Variants in NUP98 observed in about 807,000 individuals in gnomAD.
The protein encoded by NUP98 is nuclear pore complex protein Nup98-Nup96.
Under a neutral mutation model 191.9 loss-of-function variants are expected in NUP98, and 26 were observed. That is an observed-to-expected ratio of 0.14 (90% CI 0.10 to 0.19). NUP98 has a LOEUF of 0.19. Among genes scored for constraint, NUP98 ranks in the 10% least tolerant of loss-of-function variants. The pLI is 1.00. For synonymous variants in NUP98, 808 were observed against 778.4 expected (o/e 1.04, Z -0.63); for missense variants, 1,941 against 2,178.8 (o/e 0.89, Z 2.17).
intron 25 of NUP98, among the ~76,000 whole-genome samples, chr11:3,697,522 C>T (rs1479874680): frequency 1.3e-5 from 2 of 151,946 alleles, no homozygotes; most frequent in Non-Finnish European, 2.9e-5. Context: ...CTTATCAAGA[C>T]TTTATGGCCA....
At chr11:3,769,982 G>A (rs896248619) in intron 7 of NUP98, among the ~76,000 whole-genome samples, 1 of 150,842 alleles carries the variant, frequency 6.6e-6, no homozygotes, top group African/African-American at 2.4e-5. Context: ...GGTGGAGGAT[G>A]CAGTGAGCCG....
chr11:3,695,031 C>T (rs556830363), intron 26 of NUP98, among the ~76,000 whole-genome samples: 83 of 152,156 alleles, frequency 5.5e-4, no homozygotes, highest in Non-Finnish European at 7.4e-4. Flanking sequence ...TGTATGGTAG[C>T]GTGTGCCTGT....
intron 1 of NUP98, among the ~76,000 whole-genome samples, chr11:3,788,968 A>C (rs1278344053): frequency 1.3e-5 from 2 of 152,172 alleles, no homozygotes; most frequent in Non-Finnish European, 2.9e-5. Flanking sequence ...CCAAAAAAAA[A>C]CCTGTCAGTT....
At chr11:3,782,613 G>A (rs1045705153) in intron 1 of NUP98, among the ~76,000 whole-genome samples, 23 of 145,294 alleles carry the variant, frequency 1.6e-4, no homozygotes, top group African/African-American at 5.6e-4. Flanking sequence ...GACGTGCAGT[G>A]GCTCACTGCA....
intron 18 of NUP98, among the ~76,000 whole-genome samples, chr11:3,715,387 C>T (rs1212321311): frequency 6.6e-6 from 1 of 151,986 alleles, no homozygotes; most frequent in African/African-American, 2.4e-5. Flanking sequence ...CCTGCCTCGG[C>T]CTCCCAAAGT....
chr11:3,789,073 T>C (rs1401336721), intron 1 of NUP98, among the ~76,000 whole-genome samples: 1 of 152,162 alleles, frequency 6.6e-6, no homozygotes, highest in Non-Finnish European at 1.5e-5. Flanking sequence ...AGTCATAATA[T>C]TCAATCTCTC....
At chr11:3,743,965 A>C (rs1368339341) in intron 12 of NUP98, among the ~76,000 whole-genome samples, 1 of 152,154 alleles carries the variant, frequency 6.6e-6, no homozygotes, top group Non-Finnish European at 1.5e-5. Flanking sequence ...AAGCTGAGGC[A>C]GAAGAATCAC....
intron 1 of NUP98, among the ~76,000 whole-genome samples, chr11:3,791,703 T>C (rs1021230391): frequency 3.3e-5 from 5 of 151,180 alleles, no homozygotes; most frequent in African/African-American, 1.2e-4. Flanking sequence ...ATTAGCCATG[T>C]GTGGTGGCAC....
chr11:3,765,539 C>T (rs2081308359), intron 8 of NUP98, among the ~76,000 whole-genome samples: 1 of 152,172 alleles, frequency 6.6e-6, no homozygotes, highest in African/African-American at 2.4e-5. Context: ...GTGGCTCACA[C>T]CTGTAATCCC....
intron 11 of NUP98, 84 bp downstream of exon 11, chr11:3,753,232 C>G: frequency 5.2e-6 from 6 of 1,145,306 alleles, no homozygotes; most frequent in Non-Finnish European, 7.8e-6. Context: ...ATTCCAGTAA[C>G]ATAATCAAAC....
chr11:3,789,541 G>A (rs1452644262), intron 1 of NUP98, among the ~76,000 whole-genome samples: 5 of 130,916 alleles, frequency 3.8e-5, no homozygotes, highest in African/African-American at 1.4e-4. Context: ...TTTGAGACAA[G>A]GTCTCACTCT....
rs768416667 is a variant in NUP98, at chr11:3,679,592, A to G, written c.5035T>C (p.Tyr1679His). 1.2e-6 allele frequency: 2 copies of G among 1,614,234 alleles called. No homozygotes were observed. The highest frequency in any genetic ancestry group is 1.7e-5 in the Admixed American group (1 of 60,020). The change falls in exon 31 of 33, where the codon TAT becomes CAT. Residue 1679 changes from tyrosine to histidine, a missense_variant. Tyr to His is a moderately conservative substitution (Grantham distance 83, BLOSUM62 2). Around this residue, in one of 6 missense-constraint regions of NUP98, gnomAD observed 1,030 missense variants for 1,115.8 expected, o/e 0.92. Coordinates refer to ENST00000324932, the MANE Select transcript of NUP98 (RefSeq NM_016320.5). ...CGGAGCATTTCAATGACTCTAATATAGTCCAGGTAAACAAGCCCAGATGTT... is the reference window on the plus strand; with the variant it reads ...CGGAGCATTTCAATGACTCTAATATGGTCCAGGTAAACAAGCCCAGATGTT... ...WETSGLVYLD[Y>H]IRVIEMLRHI...
chr11:3,696,510 G>A (rs1408182957), intron 25 of NUP98, among the ~76,000 whole-genome samples: 2 of 151,248 alleles, frequency 1.3e-5, no homozygotes, highest in African/African-American at 4.9e-5. Context: ...TTGGTGCAGG[G>A]GGGAGGGAAA....
At chr11:3,780,541 C>CAAAAAAAAAAA (rs142060672) in intron 2 of NUP98, among the ~76,000 whole-genome samples, 38 of 74,780 alleles carry the variant, frequency 5.1e-4, no homozygotes, top group African/African-American at 8.7e-4. Flanking sequence ...GACTCCATCT[C>CAAAAAAAAAAA]AAAAAAAAAA....
chr11:3,736,618 A>G (rs913676650), intron 12 of NUP98, among the ~76,000 whole-genome samples: 1 of 152,188 alleles, frequency 6.6e-6, no homozygotes, highest in African/African-American at 2.4e-5. Context: ...AAAGAGCGAG[A>G]CTCTGCCTCA....
chr11:3,736,507 A>G (rs1377719276), intron 12 of NUP98, among the ~76,000 whole-genome samples: 1 of 152,156 alleles, frequency 6.6e-6, no homozygotes, highest in Admixed American at 6.5e-5. Context: ...AATACAAAAA[A>G]TTAGCTGGGC....
At chr11:3,700,388 G>A (rs374191881) in intron 24 of NUP98, among the ~76,000 whole-genome samples, 6 of 151,010 alleles carry the variant, frequency 4.0e-5, no homozygotes, top group African/African-American at 1.5e-4. Flanking sequence ...ACAGTTCTTT[G>A]TGGAAGAATT....
Position 3,753,351 on chromosome 11 carries a change from G to A in NUP98, c.1232C>T (p.Thr411Ile). 1 of 1,614,028 alleles carries A rather than the reference G, an allele frequency of 6.2e-7. No homozygotes were observed. The highest frequency in any genetic ancestry group is 8.5e-7 in the Non-Finnish European group (1 of 1,179,984). ...TCCTGCACCAAGCCCAGTTCCAAGA[G>A]TCCCAGGTGCTGGTTTACTTCCAAA... ...SIFGSKPAPG[T>I]LGTGLGAGFG... The change falls in exon 11 of 33, where the codon ACT becomes ATT. Residue 411 changes from threonine to isoleucine, a missense_variant. Physicochemically the swap from Thr to Ile is moderately conservative, Grantham distance 89. Transcript: ENST00000324932.
chr11:3,714,116 T>C (rs2079103520), intron 18 of NUP98, 121 bp from the exon 19 acceptor site: 2 of 1,009,190 alleles, frequency 2.0e-6, no homozygotes, highest in Non-Finnish European at 1.5e-6. Flanking sequence ...GGAATTATTC[T>C]GCATGTGTCA....
Sources: allele counts gnomAD v4.1 joint callset (sites outside exome capture counted in the v4.1 genomes callset), GRCh38; gene constraint gnomAD v4.1.1; regional missense constraint gnomAD v4.1.1; transcripts MANE v1.5; gene names NCBI Gene and HGNC (gene_info 2026-07-23, HGNC 2026-07-21).